Variants in TPM1 observed in about 807,000 individuals in gnomAD.
TPM1 encodes tropomyosin alpha-1 chain.
A neutral mutation model predicts 42.9 loss-of-function variants in TPM1; 24 were observed. The ratio of observed to expected loss-of-function variants is 0.56; its 90% CI spans 0.41 to 0.79. The LOEUF (loss-of-function observed/expected upper bound fraction) is 0.79, where lower values mean the gene tolerates loss of function less well. Among genes scored for constraint, TPM1 ranks in the 30% least tolerant of loss-of-function variants. The pLI is 0.00. For synonymous variants in TPM1, 136 were observed against 130.1 expected, an observed-to-expected ratio of 1.05 and a Z score of -0.31; for missense variants, 158 against 351.8, an observed-to-expected ratio of 0.45 and a Z score of 4.41.
intron 2 of TPM1, chr15:63,048,435 A>AG: frequency 1.5e-6 from 2 of 1,349,890 alleles, no homozygotes; most frequent in South Asian, 3.6e-5. Context: ...TCCTGGCCGC[A>AG]GGGGGCGCCG....
At chr15:63,046,534 G>C (rs2032414310) in intron 2 of TPM1, 2 of 152,252 alleles carry the variant, frequency 1.3e-5, no homozygotes, top group Admixed American at 1.3e-4. Context: ...TATTCTGGAA[G>C]TGGGCTCTAC....
chr15:63,060,473 A>G (rs1372639399), intron 4 of TPM1, among the ~76,000 whole-genome samples: 2 of 152,228 alleles, frequency 1.3e-5, no homozygotes, highest in African/African-American at 2.4e-5. Context: ...CAGATCAGCC[A>G]TCAAATTGAT....
chr15:63,064,818 T>A, intron 9 of TPM1: 1 of 549,618 alleles, frequency 1.8e-6, no homozygotes, highest in Non-Finnish European at 2.3e-6. Context: ...ACAAAAAAAA[T>A]TAGCCGGGCG....
At chr15:63,052,118 CTT>C (rs948422103) in intron 2 of TPM1, among the ~76,000 whole-genome samples, 2 of 73,408 alleles carry the variant, frequency 2.7e-5, no homozygotes, top group Non-Finnish European at 5.5e-5. Flanking sequence ...ACAGCAGTCT[CTT>C]TTTTGAGTAG....
At chr15:63,051,921 T>G (rs1439999550) in intron 2 of TPM1, among the ~76,000 whole-genome samples, 1 of 151,388 alleles carries the variant, frequency 6.6e-6, no homozygotes, top group East Asian at 1.9e-4. Context: ...CAAATCTGAT[T>G]TGGGATAATA....
intron 2 of TPM1, chr15:63,046,350 C>G (rs139219852): frequency 6.6e-6 from 1 of 152,144 alleles, no homozygotes; most frequent in Non-Finnish European, 1.5e-5. Flanking sequence ...GAGGAAGAGA[C>G]AGATGTCACT....
At chr15:63,071,475 C>T (rs954432101) in exon 9 of TPM1, 1 of 377,518 alleles carries the variant, frequency 2.6e-6, no homozygotes, top group Non-Finnish European at 5.1e-6. Flanking sequence ...ATTCAAAGTG[C>T]CAATGATAGA....
At chr15:63,051,184 CAG>C (rs1359587987) in intron 2 of TPM1, among the ~76,000 whole-genome samples, 1 of 152,184 alleles carries the variant, frequency 6.6e-6, no homozygotes, top group Non-Finnish European at 1.5e-5. Flanking sequence ...AACAAGGAGA[CAG>C]GGAGTTGTGG....
At chr15:63,057,226 G>A (rs2034948160) in intron 3 of TPM1, 108 bp downstream of exon 3, 1 of 1,484,498 alleles carries the variant, frequency 6.7e-7, no homozygotes, top group Admixed American at 1.8e-5. Flanking sequence ...CCCTGGTGGT[G>A]GGATCATTTC....
intron 2 of TPM1, among the ~76,000 whole-genome samples, chr15:63,053,775 G>T (rs1311751717): frequency 6.7e-6 from 1 of 148,858 alleles, no homozygotes. Context: ...TCTGCCTCCC[G>T]GGTTCAAGCA....
chr15:63,052,484 C>T (rs1015529000), intron 2 of TPM1, among the ~76,000 whole-genome samples: 21 of 152,078 alleles, frequency 1.4e-4, no homozygotes, highest in African/African-American at 5.1e-4. Flanking sequence ...GGTCATGCCA[C>T]TGCACTCCAG....
chr15:63,056,802 A>G, intron 2 of TPM1, 183 bp from the exon 3 acceptor site: 7 of 751,844 alleles, frequency 9.3e-6, no homozygotes, highest in East Asian at 2.5e-5. Flanking sequence ...TGTTCACTGT[A>G]TAAATCAATG....
At chr15:63,069,520 C>T (rs2036484547), downstream of TPM1, among the ~76,000 whole-genome samples, 1 of 152,172 alleles carries the variant, frequency 6.6e-6, no homozygotes, top group Non-Finnish European at 1.5e-5. Flanking sequence ...GGCCTGCATT[C>T]CCAAATCTAT....
chr15:63,061,039 C>A, intron 5 of TPM1, 100 bp downstream of exon 5: 4 of 1,524,232 alleles, frequency 2.6e-6, no homozygotes, highest in Non-Finnish European at 3.6e-6. Context: ...GTTTCAGCTC[C>A]GGGCTCCTTT....
intron 2 of TPM1, chr15:63,048,366 C>T (rs905962903): frequency 6.2e-6 from 8 of 1,296,336 alleles, no homozygotes; most frequent in African/African-American, 3.2e-5. Context: ...CCCTCCCAGC[C>T]GCGCGCGCCC....
intron 3 of TPM1, among the ~76,000 whole-genome samples, chr15:63,059,149 G>T (rs1313610678): frequency 6.6e-6 from 1 of 152,176 alleles, no homozygotes; most frequent in Non-Finnish European, 1.5e-5. Flanking sequence ...ATAAAGATAA[G>T]TTTGATTTTG....
At chr15:63,059,917 C>A (rs1365581269) in intron 4 of TPM1, 2 of 376,800 alleles carry the variant, frequency 5.3e-6, no homozygotes, top group African/African-American at 4.2e-5. Flanking sequence ...GACCAAAACT[C>A]CTCTCCCCCA....
At chr15:63,064,840 G>C in intron 9 of TPM1, 1 of 488,524 alleles carries the variant, frequency 2.0e-6, no homozygotes, top group African/African-American at 2.1e-5. Context: ...GGTGGTGGAT[G>C]CCTGTAGTCC....
chr15:63,059,789 A>G, intron 4 of TPM1, 109 bp downstream of exon 4: 1 of 784,810 alleles, frequency 1.3e-6, no homozygotes, highest in Admixed American at 1.8e-5. Context: ...CTTTGTTGGC[A>G]GAAATGGGTG....
Sources: gnomAD v4.1 joint callset for allele counts (sites outside exome capture counted in the v4.1 genomes callset) on GRCh38, gnomAD v4.1.1 for gene constraint, MANE v1.5 for transcripts, NCBI Gene and HGNC (gene_info 2026-07-23, HGNC 2026-07-21) for gene names.